Variants in PTPRN2 observed in about 807,000 individuals in gnomAD.
PTPRN2 encodes the protein receptor-type tyrosine-protein phosphatase N2.
PTPRN2 carries 74 observed loss-of-function variants against 118.8 expected under a neutral mutation model. The ratio of observed to expected loss-of-function variants is 0.62; its 90% CI spans 0.52 to 0.76. PTPRN2 has a LOEUF of 0.76. Ranked by LOEUF, PTPRN2 falls within the 30% of genes least tolerant of loss-of-function variation. The probability of loss-of-function intolerance (pLI) is 0.00; values close to 1 mark genes in which losing one functional copy is unlikely to be tolerated. For missense variants in PTPRN2, 1,481 were observed against 1,394.4 expected (o/e 1.06, Z -0.99); for synonymous variants, 641 against 608.0 (o/e 1.05, Z -0.80).
chr7:157,771,596 C>T (rs1373844718), intron 12 of PTPRN2, among the ~76,000 whole-genome samples: 1 of 152,244 alleles, frequency 6.6e-6, no homozygotes, highest in Non-Finnish European at 1.5e-5. Context: ...AGGAGAAAGA[C>T]ACACACGGCA....
In PTPRN2 at chr7:158,395,730, G is replaced by A. The variant is rs1395663654; in HGVS notation, c.164-78798C>T. 5.4e-3 allele frequency among the ~76,000 whole-genome samples: 398 copies of A among 74,118 alleles called. 84 individuals are homozygous for A. Among genetic ancestry groups the A allele is most frequent in the Middle Eastern group, 0.013 (2 of 158 alleles). 48.6% of individuals were successfully genotyped at this position (74,118 alleles called of 152,430 possible). On this transcript the variant is annotated intron_variant, in intron 2 of 22. Coordinates refer to ENST00000389418, the MANE Select transcript of PTPRN2 (RefSeq NM_002847.5). ...AGGGGCGAGGGGCGAGGCGCGAGGG[G>A]AGAGGGGAGAGGGGCGAGGGGTGAG...
chr7:157,576,702 G>C lies in PTPRN2; in HGVS notation c.2694C>G (p.Asn898Lys), dbSNP rs763896493. ...GGAACTGCGTCACGGTGCGCGTCTC[G>C]TTGGTCTGCAGGTTCTTCAGATAGA... is the stretch of plus-strand genomic sequence containing the variant. The part of the protein sequence containing the change: ...RSFYLKNLQT[N>K]ETRTVTQFHF... The change falls in exon 19 of 23, where the codon AAC becomes AAG. Residue 898 changes from asparagine to lysine, a missense_variant. By Grantham distance (94) the Asn-to-Lys change is moderately conservative (BLOSUM62 0). This residue lies in a region of PTPRN2 where 362 missense variants were observed against 384.1 expected (regional missense o/e 0.94). Transcript: ENST00000389418. The C allele has an allele frequency of 6.2e-7, 1 of 1,610,704 alleles. No individual in the cohort carries two copies. The highest frequency in any genetic ancestry group is 1.1e-5 in the South Asian group (1 of 90,332).
intron 10 of PTPRN2, among the ~76,000 whole-genome samples, chr7:158,096,480 A>T (rs1042718931): frequency 6.6e-6 from 1 of 152,266 alleles, no homozygotes; most frequent in Non-Finnish European, 1.5e-5. Flanking sequence ...AACCTGAGAA[A>T]TGCCACCTTT....
At chr7:157,637,348 A>G (rs1804380834) in intron 14 of PTPRN2, among the ~76,000 whole-genome samples, 1 of 152,182 alleles carries the variant, frequency 6.6e-6, no homozygotes, top group Admixed American at 6.5e-5. Flanking sequence ...ATTCTAGGAG[A>G]AGAGCAGAAT....
intron 11 of PTPRN2, among the ~76,000 whole-genome samples, chr7:158,062,113 G>A (rs1157443172): frequency 2.0e-5 from 3 of 152,260 alleles, no homozygotes; most frequent in South Asian, 2.1e-4. Context: ...GTAAAGCGAC[G>A]GGCGACGGCC....
At chr7:158,482,777 T>C (rs922429104) in intron 2 of PTPRN2, among the ~76,000 whole-genome samples, 2 of 152,202 alleles carry the variant, frequency 1.3e-5, no homozygotes, top group Non-Finnish European at 2.9e-5. Context: ...ATTCACTAGT[T>C]TTTCTTGGGC....
At chr7:158,194,037 G>A (rs1329963435) in intron 4 of PTPRN2, among the ~76,000 whole-genome samples, 1 of 152,086 alleles carries the variant, frequency 6.6e-6, no homozygotes, top group South Asian at 2.1e-4. Context: ...AGTAAGCTAC[G>A]ATAGCGCCGC....
chr7:157,828,654 A>G, intron 12 of PTPRN2, among the ~76,000 whole-genome samples: 1 of 152,124 alleles, frequency 6.6e-6, no homozygotes, highest in East Asian at 1.9e-4. Context: ...CTGCAGGTAC[A>G]AACAGTCAAA....
intron 12 of PTPRN2, among the ~76,000 whole-genome samples, chr7:157,773,019 C>T (rs1802981133): frequency 6.6e-6 from 1 of 152,188 alleles, no homozygotes; most frequent in South Asian, 2.1e-4. Context: ...ATACAACCAG[C>T]TTCCCAGAAC....
At chr7:158,188,561 C>G (rs1266025667) in intron 5 of PTPRN2, among the ~76,000 whole-genome samples, 34 of 114,328 alleles carry the variant, frequency 3.0e-4, no homozygotes, top group Non-Finnish European at 4.1e-4. Context: ...CACGCTCGCC[C>G]CCTGTATGGG....
chr7:158,046,098 G>A (rs965117918), intron 11 of PTPRN2, among the ~76,000 whole-genome samples: 9 of 144,064 alleles, frequency 6.2e-5, no homozygotes, highest in Non-Finnish European at 1.2e-4. Context: ...GCCTTGTTCT[G>A]TCCAGGAGCA....
intron 2 of PTPRN2, among the ~76,000 whole-genome samples, chr7:158,446,563 C>T (rs144508147): frequency 0.047 from 7,185 of 152,302 alleles, 225 homozygotes; most frequent in Non-Finnish European, 0.071. Flanking sequence ...CCACAGCCGC[C>T]CCCGGCGGGC....
chr7:158,075,704 C>A (rs575522961), intron 11 of PTPRN2, among the ~76,000 whole-genome samples: 163 of 152,344 alleles, frequency 1.1e-3, no homozygotes, highest in African/African-American at 3.3e-3. Flanking sequence ...AGGAGGAGAG[C>A]GTGGTGCTTC....
intron 11 of PTPRN2, among the ~76,000 whole-genome samples, chr7:158,074,082 C>G (rs537056810): frequency 6.6e-6 from 1 of 152,346 alleles, no homozygotes; most frequent in East Asian, 1.9e-4. Context: ...GGGCCTGGGG[C>G]AGTGAAGACA....
At chr7:158,577,978 G>A (rs1269444451) in intron 1 of PTPRN2, among the ~76,000 whole-genome samples, 4 of 152,172 alleles carry the variant, frequency 2.6e-5, no homozygotes, top group Non-Finnish European at 5.9e-5. Context: ...CCCTTACCCT[G>A]CAGGCCAGAG....
intron 3 of PTPRN2, among the ~76,000 whole-genome samples, chr7:158,312,255 C>A (rs61222803): frequency 9.0e-6 from 1 of 110,890 alleles, no homozygotes; most frequent in Non-Finnish European, 2.4e-5. Context: ...CACCTGCACA[C>A]GCACTCACGT....
At chr7:157,776,397 A>G (rs149869929) in intron 12 of PTPRN2, among the ~76,000 whole-genome samples, 2 of 7,626 alleles carry the variant, frequency 2.6e-4, no homozygotes, top group Non-Finnish European at 5.5e-4. Flanking sequence ...CTCCTCCTCC[A>G]TCTCCTCCTC....
chr7:157,874,347 G>T lies in PTPRN2; in HGVS notation c.1788+24326C>A, dbSNP rs1243656166. On this transcript the variant is annotated intron_variant, in intron 12 of 22. Coordinates refer to ENST00000389418, the MANE Select transcript of PTPRN2 (RefSeq NM_002847.5). The surrounding 1 kb of genome is among the most constrained non-coding windows in gnomAD (Gnocchi z 5.8). ...GCCCACCTCTCAGCCCATTTTCAAC[G>T]TGACACACGCAGGTGAAGTGGACCT... 6.6e-6 allele frequency among the ~76,000 whole-genome samples: 1 copy of T among 152,112 alleles called. No individual in the cohort carries two copies. The highest frequency in any genetic ancestry group is 6.5e-5 in the Admixed American group (1 of 15,272).
At chr7:158,335,432 G>T (rs1183635514) in intron 2 of PTPRN2, among the ~76,000 whole-genome samples, 1 of 37,324 alleles carries the variant, frequency 2.7e-5, no homozygotes, top group South Asian at 1.7e-3. Context: ...TCAACCATAA[G>T]AGGTGACACA....
Sources: allele counts gnomAD v4.1 joint callset (sites outside exome capture counted in the v4.1 genomes callset), GRCh38; gene constraint gnomAD v4.1.1; regional missense constraint gnomAD v4.1.1; non-coding constraint Gnocchi (gnomAD v3.1); transcripts MANE v1.5; gene names NCBI Gene and HGNC (gene_info 2026-07-23, HGNC 2026-07-21).